Variants in ATG16L1 observed in about 807,000 individuals in gnomAD.
The protein encoded by ATG16L1 is autophagy related 16 like 1.
ATG16L1 carries 37 observed loss-of-function variants against 88.5 expected under a neutral mutation model. The ratio of observed to expected loss-of-function variants is 0.42; its 90% CI spans 0.32 to 0.55. The LOEUF (loss-of-function observed/expected upper bound fraction) is 0.55, where lower values mean the gene tolerates loss of function less well. Ranked by LOEUF, ATG16L1 falls within the 20% of genes least tolerant of loss-of-function variation. The pLI, the probability that ATG16L1 is intolerant of heterozygous loss-of-function variation, is 0.13. For synonymous variants in ATG16L1, 301 were observed against 281.0 expected, an observed-to-expected ratio of 1.07 and a Z score of -0.71; for missense variants, 554 against 752.8, an observed-to-expected ratio of 0.74 and a Z score of 3.09.
In ATG16L1 at chr2:233,277,821, G is replaced by A; in HGVS notation, c.1060+148G>A. The A allele has an allele frequency of 3.3e-5, 22 of 669,928 alleles. No individual in the cohort carries two copies. In the South Asian group the frequency reaches 3.9e-4, roughly 12 times the overall value. The allele number at this position is 669,928 out of a possible 1,614,324, so 41.5% of individuals were successfully genotyped here. ...TTCTCAAAACATACATTTTATGTAA[G>A]GGATCGTTTGACCAAAGCATCATAC... On this transcript the variant is annotated intron_variant, in intron 10 of 17. Coordinates refer to ENST00000392017, the MANE Select transcript of ATG16L1 (RefSeq NM_030803.7).
At chr2:233,286,886 A>C (rs1699126041) in intron 12 of ATG16L1, among the ~76,000 whole-genome samples, 1 of 151,884 alleles carries the variant, frequency 6.6e-6, no homozygotes, top group Non-Finnish European at 1.5e-5. Context: ...CGGCCTCCCA[A>C]AGTGCTGGGA....
intron 12 of ATG16L1, among the ~76,000 whole-genome samples, chr2:233,286,264 G>A (rs2125284326): frequency 6.6e-6 from 1 of 152,258 alleles, no homozygotes; most frequent in East Asian, 1.9e-4. Context: ...TATCTGCCAT[G>A]AGGCACAGAG....
intron 5 of ATG16L1, among the ~76,000 whole-genome samples, chr2:233,269,726 G>A (rs888307581): frequency 1.1e-4 from 16 of 152,098 alleles, no homozygotes; most frequent in African/African-American, 2.7e-4. Flanking sequence ...AGATACCCTT[G>A]GTCCCAGAAG....
At chr2:233,275,961 T>C (rs1698335172) in intron 9 of ATG16L1, 3 of 519,010 alleles carry the variant, frequency 5.8e-6, no homozygotes, top group Admixed American at 3.9e-5. Context: ...GTGGCAGTCA[T>C]GGGTGTGATG....
At chr2:233,273,806 T>C in intron 8 of ATG16L1, 29 bp downstream of exon 8, 2 of 1,602,988 alleles carry the variant, frequency 1.2e-6, no homozygotes, top group Non-Finnish European at 1.7e-6. Context: ...CCTTTTTAAA[T>C]GTGTATAAGT....
At chr2:233,273,338 A>G in intron 7 of ATG16L1, 1 of 498,438 alleles carries the variant, frequency 2.0e-6, no homozygotes, top group Non-Finnish European at 3.6e-6. Flanking sequence ...ATGATTGTTT[A>G]GGTTTGATCA....
At chr2:233,264,119 GT>G in intron 4 of ATG16L1, 54 bp downstream of exon 4, 1 of 1,592,364 alleles carries the variant, frequency 6.3e-7, no homozygotes, top group Non-Finnish European at 8.6e-7. Context: ...CATGTCCTTT[GT>G]TCTGCTGACC....
At chr2:233,285,056 A>G (rs1457861765) in intron 12 of ATG16L1, among the ~76,000 whole-genome samples, 1 of 152,242 alleles carries the variant, frequency 6.6e-6, no homozygotes, top group Non-Finnish European at 1.5e-5. Flanking sequence ...AGAGCCTGCC[A>G]TGGGGCACAC....
chr2:233,262,083 A>G (rs1023412942), intron 2 of ATG16L1, among the ~76,000 whole-genome samples: 1 of 152,136 alleles, frequency 6.6e-6, no homozygotes, highest in African/African-American at 2.4e-5. Flanking sequence ...AGTCTTGCCC[A>G]TTTCAGTGGG....
At position 233,290,328 on chromosome 2, in the gene ATG16L1, A is replaced by C; in HGVS notation, c.1405A>C (p.Lys469Gln). Residue 469 changes from lysine (K) to glutamine (Q), a missense_variant, in exon 14 of 18, where the codon AAG becomes CAG. This residue lies in a region of ATG16L1 where 370 missense variants were observed against 509.7 expected (regional missense o/e 0.73). Transcript: ENST00000392017. ...ATGTGTAATGAGTGGACATTTTGAC[A>C]AGAAAATTCGTTTCTGGGACATTCG... is the stretch of plus-strand genomic sequence containing the variant. Reference protein sequence around the residue: ...EQCVMSGHFDKKIRFWDIRSE... With the variant: ...EQCVMSGHFDQKIRFWDIRSE... 1 of 1,614,190 alleles carries C rather than the reference A, an allele frequency of 6.2e-7. No individual in the cohort carries two copies. Among genetic ancestry groups the C allele is most frequent in the Non-Finnish European group, 8.5e-7 (1 of 1,180,018 alleles).
intron 9 of ATG16L1, chr2:233,276,068 T>C (rs1438565629): frequency 1.8e-5 from 8 of 454,526 alleles, no homozygotes; most frequent in Non-Finnish European, 3.5e-5. Context: ...TTTGGTCACC[T>C]GTCATACTTT....
At chr2:233,274,640 A>G in intron 8 of ATG16L1, 36 bp from the exon 9 acceptor site, 5 of 1,533,032 alleles carry the variant, frequency 3.3e-6, no homozygotes, top group Non-Finnish European at 4.5e-6. Flanking sequence ...AACCTCTGCA[A>G]TCCTGTCTAA....
chr2:233,292,501 C>T (rs1699527833), intron 16 of ATG16L1, 67 bp downstream of exon 16: 1 of 1,600,666 alleles, frequency 6.2e-7, no homozygotes, highest in Non-Finnish European at 8.5e-7. Context: ...CATTTTCCCA[C>T]TGGGGATATA....
chr2:233,261,957 ACTT>A (rs1242537902), intron 2 of ATG16L1, among the ~76,000 whole-genome samples: 15 of 152,098 alleles, frequency 9.9e-5, no homozygotes, highest in African/African-American at 2.7e-4. Flanking sequence ...TCCAGCTTGG[ACTT>A]CTTCTTGAGG....
In ATG16L1 at chr2:233,289,864, C is replaced by A; in HGVS notation, c.1214C>A (p.Thr405Lys). Residue 405 changes from threonine to lysine, a missense_variant, in exon 13 of 18, where the codon ACG (threonine) becomes AAG (lysine). Thr to Lys is a moderately conservative substitution (Grantham distance 78). Coordinates refer to ENST00000392017, the MANE Select transcript of ATG16L1 (RefSeq NM_030803.7). The stretch of plus-strand genomic sequence containing the variant: ...TGTTCTCTCTCCTAGCACACACTCA[C>A]GGGACACAGTGGGAAAGTGCTGTCT... Reference protein sequence around the residue: ...VDDYRLRHTLTGHSGKVLSAK... With the variant: ...VDDYRLRHTLKGHSGKVLSAK... 6.2e-7 allele frequency: 1 copy of A among 1,614,170 alleles called. No individual in the cohort carries two copies. The highest frequency in any genetic ancestry group is 1.1e-5 in the South Asian group (1 of 91,086).
intron 10 of ATG16L1, 46 bp downstream of exon 10, chr2:233,277,719 C>G: frequency 6.6e-7 from 1 of 1,516,108 alleles, no homozygotes; most frequent in Non-Finnish European, 9.2e-7. Context: ...TGAGATGATG[C>G]ACCCTTGCAC....
intron 1 of ATG16L1, among the ~76,000 whole-genome samples, chr2:233,252,697 T>C (rs1696465946): frequency 6.6e-6 from 1 of 151,906 alleles, no homozygotes; most frequent in Non-Finnish European, 1.5e-5. Context: ...CCCACCTTGG[T>C]GTTAATATCG....
At chr2:233,256,453 G>C (rs1216907112) in intron 2 of ATG16L1, among the ~76,000 whole-genome samples, 1 of 152,180 alleles carries the variant, frequency 6.6e-6, no homozygotes, top group Non-Finnish European at 1.5e-5. Flanking sequence ...GTAACCCTAG[G>C]TCAGTTTCTC....
chr2:233,277,640 G>T lies in ATG16L1; in HGVS notation c.1027G>T (p.Asp343Tyr). Residue 343 changes from aspartate (D) to tyrosine (Y), a missense_variant, in exon 10 of 18, where the codon GAC becomes TAC. Around this residue, in one of 5 missense-constraint regions of ATG16L1, gnomAD observed 370 missense variants for 509.7 expected, o/e 0.73. Coordinates refer to ENST00000392017, the MANE Select transcript of ATG16L1 (RefSeq NM_030803.7). ...CCGGTTACTGGCCACTGGAGGCATG[G>T]ACCGCAGGGTTAAGCTTTGGGAAGT... ...GSRLLATGGM[D>Y]RRVKLWEVFG... 1 of 1,614,064 alleles carries T rather than the reference G, an allele frequency of 6.2e-7. No individual in the cohort carries two copies. The highest frequency in any genetic ancestry group is 1.1e-5 in the South Asian group (1 of 91,050).
Sources: allele counts gnomAD v4.1 joint callset (sites outside exome capture counted in the v4.1 genomes callset), GRCh38; gene constraint gnomAD v4.1.1; regional missense constraint gnomAD v4.1.1; transcripts MANE v1.5; gene names NCBI Gene and HGNC (gene_info 2026-07-23, HGNC 2026-07-21).